NAV3: variants seen among roughly 807,000 people sequenced by gnomAD.
The protein encoded by NAV3 is pore membrane and/or filament interacting like protein 1.
NAV3 carries 87 observed loss-of-function variants against 244.7 expected under a neutral mutation model. The observed-to-expected ratio is 0.36, with a 90% confidence interval of 0.30 to 0.42. NAV3 has a LOEUF of 0.42. Ranked by LOEUF, NAV3 falls within the 20% of genes least tolerant of loss-of-function variation. The probability of loss-of-function intolerance (pLI) is 1.00; values close to 1 mark genes in which losing one functional copy is unlikely to be tolerated. For synonymous variants in NAV3, 1,126 were observed against 1,042.2 expected, an observed-to-expected ratio of 1.08 and a Z score of -1.55; for missense variants, 2,663 against 2,893.3, an observed-to-expected ratio of 0.92 and a Z score of 1.83.
chr12:77,916,202 A>C (rs1887125197), intron 1 of NAV3, among the ~76,000 whole-genome samples: 2 of 152,090 alleles, frequency 1.3e-5, no homozygotes, highest in South Asian at 2.1e-4. Flanking sequence ...GGAGTTATTT[A>C]GGATTTAGAT....
At chr12:77,610,347 T>A in intron 2 of NAV3, among the ~76,000 whole-genome samples, 1 of 152,102 alleles carries the variant, frequency 6.6e-6, no homozygotes, top group Non-Finnish European at 1.5e-5. Context: ...TTTTACTTAA[T>A]CTTTATGTCC....
rs1296656497 is a variant in NAV3, at chr12:78,212,389, GAAC to G, written c.*1880_*1882del. On this transcript the variant is annotated 3_prime_UTR_variant, in exon 40 of 40. Coordinates refer to ENST00000397909, the MANE Select transcript of NAV3 (RefSeq NM_001024383.2). ...GACCACCAATGGGTCAGTTGCTATAGAACAACAACACCACGAAACATCTGTGCA... is the reference window on the plus strand; with the variant it reads ...GACCACCAATGGGTCAGTTGCTATAGAACAACACCACGAAACATCTGTGCA... 5 of 152,630 alleles carry G rather than the reference GAAC, an allele frequency of 3.3e-5. No homozygotes were observed. Among genetic ancestry groups the G allele is most frequent in the South Asian group, 4.1e-4 (2 of 4,824 alleles). 9.5% of individuals were successfully genotyped at this position (152,630 alleles called of 1,614,324 possible). A position where few individuals can be genotyped will look rare whatever the true frequency, so the allele number is the denominator to read the frequency against.
chr12:77,930,931 T>C (rs1041013987), intron 1 of NAV3, among the ~76,000 whole-genome samples: 3 of 152,184 alleles, frequency 2.0e-5, no homozygotes, highest in African/African-American at 7.2e-5. Flanking sequence ...TTCTGATCCT[T>C]TGAAGGTAAC....
intron 3 of NAV3, among the ~76,000 whole-genome samples, chr12:77,953,151 T>G (rs1891054201): frequency 6.6e-6 from 1 of 152,130 alleles, no homozygotes; most frequent in South Asian, 2.1e-4. Flanking sequence ...TACAAAATAT[T>G]AAACGATGCT....
At chr12:78,034,818 T>C (rs1879580199) in intron 9 of NAV3, among the ~76,000 whole-genome samples, 1 of 152,172 alleles carries the variant, frequency 6.6e-6, no homozygotes, top group Non-Finnish European at 1.5e-5. Flanking sequence ...GTCATTTTGG[T>C]CTTCCAAAAA....
intron 2 of NAV3, among the ~76,000 whole-genome samples, chr12:77,587,101 T>C (rs184045702): frequency 6.6e-6 from 1 of 152,150 alleles, no homozygotes; most frequent in Non-Finnish European, 1.5e-5. Context: ...AAGCAATGAA[T>C]GAGATAATCA....
chr12:77,676,636 A>G (rs904261645), intron 2 of NAV3, among the ~76,000 whole-genome samples: 42 of 151,432 alleles, frequency 2.8e-4, no homozygotes, highest in African/African-American at 9.5e-4. Flanking sequence ...GGTTTGTTAC[A>G]TAGGCATACA....
chr12:78,031,391 G>T (rs1878958647), intron 9 of NAV3, among the ~76,000 whole-genome samples: 1 of 152,054 alleles, frequency 6.6e-6, no homozygotes, highest in Non-Finnish European at 1.5e-5. Context: ...TATAAGTGGA[G>T]CCAATGAGAA....
chr12:78,106,766 C>T (rs1954823635), intron 12 of NAV3, among the ~76,000 whole-genome samples: 1 of 152,066 alleles, frequency 6.6e-6, no homozygotes, highest in Non-Finnish European at 1.5e-5. Context: ...TGGTAACTGC[C>T]AACAGAGGTA....
chr12:77,785,896 A>T (rs1316892925), intron 2 of NAV3, among the ~76,000 whole-genome samples: 1 of 152,166 alleles, frequency 6.6e-6, no homozygotes, highest in African/African-American at 2.4e-5. Flanking sequence ...TCTTGTTACA[A>T]ATTTCTTAGT....
At chr12:77,948,380 A>C (rs1201690401) in intron 3 of NAV3, among the ~76,000 whole-genome samples, 3 of 152,002 alleles carry the variant, frequency 2.0e-5, no homozygotes, top group African/African-American at 4.8e-5. Flanking sequence ...GAGAAGAAAT[A>C]ATTTTTAAGG....
chr12:77,931,904 G>A (rs549563445), intron 1 of NAV3, among the ~76,000 whole-genome samples: 5 of 39,720 alleles, frequency 1.3e-4, no homozygotes, highest in Non-Finnish European at 1.8e-4. Flanking sequence ...CTATTTGTGC[G>A]TGTGTGTTTG....
chr12:78,182,633 T>G (rs1958547901), intron 30 of NAV3, among the ~76,000 whole-genome samples: 1 of 151,936 alleles, frequency 6.6e-6, no homozygotes, highest in Non-Finnish European at 1.5e-5. Flanking sequence ...AATTTACAAT[T>G]TCTATGTTTA....
chr12:78,086,261 T>G (rs1953632969), intron 12 of NAV3, among the ~76,000 whole-genome samples: 1 of 152,094 alleles, frequency 6.6e-6, no homozygotes, highest in African/African-American at 2.4e-5. Flanking sequence ...TTGTTTACAT[T>G]TGTTTTAATA....
intron 5 of NAV3, among the ~76,000 whole-genome samples, chr12:77,968,934 T>TAGAA (rs1892753469): frequency 6.6e-6 from 1 of 152,226 alleles, no homozygotes; most frequent in Non-Finnish European, 1.5e-5. Flanking sequence ...ATTGTTGTTC[T>TAGAA]GTATCACAGT....
chr12:78,050,353 C>T (rs1306561478), intron 10 of NAV3, among the ~76,000 whole-genome samples: 1 of 152,136 alleles, frequency 6.6e-6, no homozygotes, highest in Non-Finnish European at 1.5e-5. Flanking sequence ...GCAACTACCA[C>T]CATCACTGTT....
chr12:78,163,544 G>A lies in NAV3; in HGVS notation c.4869+4258G>A, dbSNP rs568186345. Among the ~76,000 whole-genome samples, 163 of 151,772 alleles carry A rather than the reference G, an allele frequency of 1.1e-3. No individual in the cohort carries two copies. In the Middle Eastern group the frequency reaches 0.017, roughly 16 times the overall value. On this transcript the variant is annotated intron_variant, in intron 23 of 39. Transcript: ENST00000397909. ...GATCATGCCACTGCACTCCAGCCTG[G>A]GTGACAGAGAGAGACTGCATCTCAA...
Position 78,127,211 on chromosome 12 carries a change from A to G in NAV3, c.4280+3A>G. 1.2e-6 allele frequency: 2 copies of G among 1,613,094 alleles called. No individual in the cohort carries two copies. The highest frequency in any genetic ancestry group is 1.7e-5 in the Admixed American group (1 of 59,942). On this transcript the variant is annotated splice_donor_region_variant and intron_variant, in intron 17 of 39. Transcript: ENST00000397909. ...ACACTACCCAAAAAGGGACTAAGGT[A>G]TATATTCCTCTCAGCACAATTGCTA...
chr12:78,188,325 A>G lies in NAV3; in HGVS notation c.5868A>G (p.Val1956=). The change falls in exon 32 of 40, where the codon GTA becomes GTG. Residue 1956 remains valine (V), a synonymous_variant. Transcript: ENST00000397909. ...GKTKWDVLDG[V]IRRLFKEYVF... ...CCAAGTGGGATGTCTTAGATGGTGT[A>G]ATAAGACGTCTCTTTAAGGTATGTT... 14 of 1,610,208 alleles carry G rather than the reference A, an allele frequency of 8.7e-6. No individual in the cohort carries two copies. Among genetic ancestry groups the G allele is most frequent in the Non-Finnish European group, 1.2e-5 (14 of 1,177,146 alleles).
Sources: gnomAD v4.1 joint callset for allele counts (sites outside exome capture counted in the v4.1 genomes callset) on GRCh38, gnomAD v4.1.1 for gene constraint, MANE v1.5 for transcripts, NCBI Gene and HGNC (gene_info 2026-07-23, HGNC 2026-07-21) for gene names.